Variants in NARS2 observed in about 807,000 individuals in gnomAD.
NARS2 encodes the protein asparaginyl-tRNA synthetase 2, mitochondrial.
A neutral mutation model predicts 62.9 loss-of-function variants in NARS2; 60 were observed. The observed-to-expected ratio is 0.95, with a 90% CI of 0.77 to 1.18. The LOEUF is 1.18. Among genes scored for constraint, NARS2 ranks in the 50% most tolerant of loss-of-function variants. NARS2 has a pLI of 0.00. For synonymous variants in NARS2, 196 were observed against 200.0 expected, an observed-to-expected ratio of 0.98 and a Z score of 0.17; for missense variants, 619 against 576.4, an observed-to-expected ratio of 1.07 and a Z score of -0.76.
intron 7 of NARS2, among the ~76,000 whole-genome samples, chr11:78,482,025 T>C (rs1215614400): frequency 6.6e-6 from 1 of 152,138 alleles, no homozygotes; most frequent in Non-Finnish European, 1.5e-5. Flanking sequence ...AATTTATTAT[T>C]AGTTTCATGA....
intron 11 of NARS2, among the ~76,000 whole-genome samples, chr11:78,452,240 T>G (rs573185220): frequency 6.6e-6 from 1 of 152,138 alleles, no homozygotes; most frequent in Non-Finnish European, 1.5e-5. Context: ...CCCGAGTAGC[T>G]GGGACTACAG....
intron 7 of NARS2, among the ~76,000 whole-genome samples, chr11:78,483,794 A>G (rs1437054801): frequency 6.6e-6 from 1 of 152,226 alleles, no homozygotes; most frequent in Admixed American, 6.5e-5. Context: ...AAGAATCAAT[A>G]TCGTGAAAAT....
At chr11:78,556,246 A>C (rs564540994) in intron 5 of NARS2, among the ~76,000 whole-genome samples, 22 of 152,280 alleles carry the variant, frequency 1.4e-4, no homozygotes, top group Non-Finnish European at 1.8e-4. Context: ...TTCATTTTGA[A>C]GGTTTTTCTG....
At chr11:78,460,769 TGGCAGTCAATGA>T (rs1179766130) in intron 11 of NARS2, among the ~76,000 whole-genome samples, 2 of 152,166 alleles carry the variant, frequency 1.3e-5, no homozygotes, top group Non-Finnish European at 2.9e-5. Flanking sequence ...GATATGTAAA[TGGCAGTCAATGA>T]GGCAGTCAAT....
At chr11:78,567,457 C>T (rs1358604717) in intron 3 of NARS2, among the ~76,000 whole-genome samples, 1 of 152,064 alleles carries the variant, frequency 6.6e-6, no homozygotes, top group Non-Finnish European at 1.5e-5. Flanking sequence ...CCATAGTTCA[C>T]CGTGGGCAAC....
intron 6 of NARS2, among the ~76,000 whole-genome samples, chr11:78,504,045 G>A (rs556199968): frequency 3.2e-4 from 48 of 152,288 alleles, no homozygotes; most frequent in Non-Finnish European, 4.9e-4. Context: ...CAGCTATATA[G>A]GAAATACCAG....
intron 7 of NARS2, among the ~76,000 whole-genome samples, chr11:78,487,871 T>G (rs1479897599): frequency 6.6e-6 from 1 of 152,030 alleles, no homozygotes; most frequent in Non-Finnish European, 1.5e-5. Flanking sequence ...GACAGTAAAA[T>G]GAAAAAATTC....
chr11:78,491,762 G>A (rs1474161593), intron 7 of NARS2, among the ~76,000 whole-genome samples: 3 of 151,966 alleles, frequency 2.0e-5, no homozygotes, highest in Admixed American at 6.6e-5. Context: ...CCCTAATAAC[G>A]CCCCTGCCCA....
rs752921467 is a variant in NARS2 at position 78,436,706 on chromosome 11, G to A, written c.1398C>T (p.Ile466=). ...ILGVDNIKDV[I]PFPRFPHSCL... ...ATGAATGAGGAAACCTTGGGAAAGG[G>A]ATAACATCTTTGATATTGTCAACAC... The change falls in exon 14 of 14, where the codon ATC becomes ATT. Residue 466 remains isoleucine (I), a synonymous_variant. Coordinates refer to ENST00000281038, the MANE Select transcript of NARS2 (RefSeq NM_024678.6). 1 of 1,614,156 alleles carries A rather than the reference G, an allele frequency of 6.2e-7. No individual in the cohort carries two copies. Among genetic ancestry groups the A allele is most frequent in the Non-Finnish European group, 8.5e-7 (1 of 1,180,024 alleles).
At chr11:78,552,854 C>T (rs1192701698) in intron 5 of NARS2, among the ~76,000 whole-genome samples, 4 of 152,160 alleles carry the variant, frequency 2.6e-5, no homozygotes, top group Non-Finnish European at 5.9e-5. Flanking sequence ...GTCACAGGCA[C>T]GCATCCTCAA....
chr11:78,506,448 T>C (rs1050578119), intron 6 of NARS2, among the ~76,000 whole-genome samples: 2 of 152,166 alleles, frequency 1.3e-5, no homozygotes, highest in African/African-American at 4.8e-5. Flanking sequence ...GACAGATGGA[T>C]TGACAGTATT....
At position 78,574,581 on chromosome 11, in the gene NARS2, C is replaced by T; in HGVS notation, c.-93G>A. The T allele has an allele frequency of 7.1e-7, 1 of 1,409,502 alleles. No individual in the cohort carries two copies. Among genetic ancestry groups the T allele is most frequent in the African/African-American group, 1.4e-5 (1 of 69,570 alleles). 87.3% of individuals were successfully genotyped at this position (1,409,502 alleles called of 1,614,324 possible). The stretch of plus-strand genomic sequence containing the variant: ...CCCTCCTTTCTCAGCTGCTCCCCTT[C>T]CGCGGCCGCAGCTCTGCTCTAAGGC... On this transcript the variant is annotated 5_prime_UTR_variant, in exon 1 of 14. Coordinates refer to ENST00000281038, the MANE Select transcript of NARS2 (RefSeq NM_024678.6).
At chr11:78,525,647 G>A (rs893722452) in intron 6 of NARS2, among the ~76,000 whole-genome samples, 3 of 151,986 alleles carry the variant, frequency 2.0e-5, no homozygotes, top group Admixed American at 6.6e-5. Flanking sequence ...TCCCTCCTGC[G>A]GGTAGTTCTT....
At chr11:78,470,633 A>G (rs1489572921) in intron 9 of NARS2, among the ~76,000 whole-genome samples, 2 of 152,130 alleles carry the variant, frequency 1.3e-5, no homozygotes, top group Non-Finnish European at 2.9e-5. Flanking sequence ...GTGACCTGAT[A>G]TTTCACGTTC....
At chr11:78,545,584 G>T (rs2135475494) in intron 5 of NARS2, among the ~76,000 whole-genome samples, 1 of 150,298 alleles carries the variant, frequency 6.7e-6, no homozygotes, top group Non-Finnish European at 1.5e-5. Flanking sequence ...TAGTGCAGTG[G>T]TGTGATCTCG....
At chr11:78,552,207 T>G (rs1856152040) in intron 5 of NARS2, among the ~76,000 whole-genome samples, 1 of 152,210 alleles carries the variant, frequency 6.6e-6, no homozygotes, top group Non-Finnish European at 1.5e-5. Context: ...CATAAGTTCT[T>G]ATCATTTAGC....
chr11:78,459,636 T>C (rs1858314293), intron 11 of NARS2, among the ~76,000 whole-genome samples: 1 of 152,204 alleles, frequency 6.6e-6, no homozygotes, highest in Admixed American at 6.5e-5. Context: ...TGCTGCCATG[T>C]AAGAAGTGCC....
intron 11 of NARS2, among the ~76,000 whole-genome samples, chr11:78,459,085 T>C (rs553670083): frequency 7.2e-5 from 11 of 152,156 alleles, no homozygotes; most frequent in African/African-American, 2.4e-4. Flanking sequence ...TGGCTACTTT[T>C]TGTATTTTTA....
chr11:78,474,401 C>T (rs752715871), intron 9 of NARS2, among the ~76,000 whole-genome samples: 3 of 152,118 alleles, frequency 2.0e-5, no homozygotes, highest in Non-Finnish European at 4.4e-5. Context: ...TTCTCAAGAA[C>T]TAGCAAAGTG....
Sources: allele counts gnomAD v4.1 joint callset (sites outside exome capture counted in the v4.1 genomes callset), GRCh38; gene constraint gnomAD v4.1.1; transcripts MANE v1.5; gene names NCBI Gene and HGNC (gene_info 2026-07-23, HGNC 2026-07-21).